The following PKN2 variants were observed in gnomAD, a reference collection of about 807,000 sequenced individuals.
PKN2 encodes the protein protein kinase N2.
A neutral mutation model predicts 119.1 loss-of-function variants in PKN2; 38 were observed. That is an observed-to-expected ratio of 0.32 (90% CI 0.25 to 0.42). PKN2 has a LOEUF of 0.42. PKN2 is among the 10% of genes least tolerant of loss of function. PKN2 has a pLI of 1.00. For synonymous variants in PKN2, 390 were observed against 384.9 expected (o/e 1.01, Z -0.15); for missense variants, 850 against 1,165.1 (o/e 0.73, Z 3.94).
At chr1:88,804,020 G>A (rs1171021556) in intron 8 of PKN2, among the ~76,000 whole-genome samples, 1 of 152,146 alleles carries the variant, frequency 6.6e-6, no homozygotes, top group Admixed American at 6.5e-5. Context: ...AAGCATTGGG[G>A]TAGTAACATA....
chr1:88,820,993 CCA>C (rs1672267118), intron 16 of PKN2, among the ~76,000 whole-genome samples: 1 of 152,130 alleles, frequency 6.6e-6, no homozygotes, highest in Non-Finnish European at 1.5e-5. Flanking sequence ...CTCTCTCGAC[CCA>C]GGTTTTTTGA....
intron 6 of PKN2, 59 bp downstream of exon 6, chr1:88,771,938 T>C: frequency 8.8e-7 from 1 of 1,137,066 alleles, no homozygotes; most frequent in Non-Finnish European, 1.3e-6. Context: ...TGGTTCTGAT[T>C]TAATAATTGA....
intron 15 of PKN2, among the ~76,000 whole-genome samples, chr1:88,811,005 A>G (rs938075077): frequency 6.6e-6 from 1 of 152,216 alleles, no homozygotes; most frequent in South Asian, 2.1e-4. Flanking sequence ...TTAATAAATC[A>G]TAGAAAATTT....
chr1:88,786,308 C>A, intron 8 of PKN2, 95 bp downstream of exon 8: 2 of 584,104 alleles, frequency 3.4e-6, no homozygotes, highest in Non-Finnish European at 5.9e-6. Flanking sequence ...GTATTCTTAA[C>A]AAGAATAAAA....
In PKN2 at chr1:88,750,694, G is replaced by A. The variant is rs116184110; in HGVS notation, c.349+9406G>A. Among the ~76,000 whole-genome samples, 792 of 152,078 alleles carry A rather than the reference G, an allele frequency of 5.2e-3. 9 individuals carry two copies. The highest frequency in any genetic ancestry group is 0.018 in the African/African-American group (754 of 41,468). On this transcript the variant is annotated intron_variant, in intron 2 of 21. Transcript: ENST00000370521. ...CTAAAATTGAACTCTTCTTTTCTTG[G>A]ACAGCTATCTCTAAATTTTTCTCTG...
At chr1:88,715,488 A>T (rs966000912) in intron 1 of PKN2, among the ~76,000 whole-genome samples, 11 of 152,088 alleles carry the variant, frequency 7.2e-5, no homozygotes, top group Non-Finnish European at 1.5e-5. Flanking sequence ...TTCCTGGTTT[A>T]GTCTTGGGAG....
intron 1 of PKN2, among the ~76,000 whole-genome samples, chr1:88,733,380 A>G (rs1668220740): frequency 6.6e-6 from 1 of 152,148 alleles, no homozygotes; most frequent in African/African-American, 2.4e-5. Context: ...TACCTATTCT[A>G]ACTAGAGTGA....
intron 2 of PKN2, among the ~76,000 whole-genome samples, chr1:88,751,284 TAC>T (rs1668982956): frequency 1.3e-5 from 2 of 152,038 alleles, no homozygotes; most frequent in African/African-American, 4.8e-5. Flanking sequence ...TGTTCATATA[TAC>T]ACACATACAC....
At chr1:88,786,516 A>G (rs1017601955) in intron 8 of PKN2, among the ~76,000 whole-genome samples, 8 of 152,218 alleles carry the variant, frequency 5.3e-5, no homozygotes, top group Non-Finnish European at 1.2e-4. Context: ...GCTAACAGCT[A>G]AGGCGATTCT....
intron 13 of PKN2, 31 bp downstream of exon 13, chr1:88,807,474 CAT>C: frequency 6.2e-7 from 1 of 1,605,008 alleles, no homozygotes; most frequent in Non-Finnish European, 8.5e-7. Flanking sequence ...TTTGCGACTA[CAT>C]GTTTGGTACC....
intron 8 of PKN2, among the ~76,000 whole-genome samples, chr1:88,792,107 TTAAAAA>T (rs1194945626): frequency 6.6e-6 from 1 of 152,228 alleles, no homozygotes; most frequent in African/African-American, 2.4e-5. Flanking sequence ...TCCACCGCTG[TTAAAAA>T]TAACATGTCG....
chr1:88,784,499 G>A (rs1334385104), intron 6 of PKN2, 140 bp from the exon 7 acceptor site: 1 of 428,890 alleles, frequency 2.3e-6, no homozygotes, highest in East Asian at 3.5e-5. Context: ...AAAGATGATA[G>A]CTACCTCATA....
Position 88,771,885 on chromosome 1 carries a change from T to C in PKN2, c.985+6T>C. The C allele has an allele frequency of 6.3e-7, 1 of 1,582,124 alleles. No homozygotes were observed. The highest frequency in any genetic ancestry group is 1.1e-5 in the South Asian group (1 of 90,342). On this transcript the variant is annotated splice_donor_region_variant and intron_variant, in intron 6 of 21. Transcript: ENST00000370521. ...CAAACCAGCAGCACTAACAGGTATG[T>C]AGTGTATAGCCATTGTTTTTTGTGT...
chr1:88,710,957 A>C (rs1667205090), intron 1 of PKN2, among the ~76,000 whole-genome samples: 1 of 152,240 alleles, frequency 6.6e-6, no homozygotes, highest in Non-Finnish European at 1.5e-5. Context: ...ATCATGGAAT[A>C]CTATGCAGCC....
In PKN2 at chr1:88,835,592, A is replaced by G. The variant is rs1318151481; in HGVS notation, c.*2144A>G. 6.6e-6 allele frequency: 1 copy of G among 152,396 alleles called. No homozygotes were observed. Among genetic ancestry groups the G allele is most frequent in the East Asian group, 1.9e-4 (1 of 5,194 alleles). The allele number at this position is 152,396 out of a possible 1,614,324, so 9.4% of individuals were successfully genotyped here. Reference sequence around the variant, plus strand: ...TATTTTAGTCAGATTTAAAATTTTAAGCTTTATAGAGTGTAAATATATTTT... The same window carrying G: ...TATTTTAGTCAGATTTAAAATTTTAGGCTTTATAGAGTGTAAATATATTTT... On this transcript the variant is annotated 3_prime_UTR_variant, in exon 22 of 22. Transcript: ENST00000370521.
intron 16 of PKN2, among the ~76,000 whole-genome samples, chr1:88,814,916 G>T (rs960261564): frequency 3.3e-5 from 5 of 152,106 alleles, no homozygotes; most frequent in Non-Finnish European, 7.4e-5. Context: ...TCCTCCATTT[G>T]ATTCTTGTCA....
intron 1 of PKN2, among the ~76,000 whole-genome samples, chr1:88,691,346 T>A (rs1160486247): frequency 6.6e-6 from 1 of 152,176 alleles, no homozygotes; most frequent in African/African-American, 2.4e-5. Context: ...ATTACAGATG[T>A]GAGCGTCTGT....
intron 8 of PKN2, among the ~76,000 whole-genome samples, chr1:88,787,238 T>C (rs1350533058): frequency 1.3e-5 from 2 of 152,114 alleles, no homozygotes; most frequent in Non-Finnish European, 2.9e-5. Context: ...AACTACCTGG[T>C]TGAATGTCAT....
intron 3 of PKN2, among the ~76,000 whole-genome samples, chr1:88,761,153 G>A (rs1669424648): frequency 6.6e-6 from 1 of 152,018 alleles, no homozygotes; most frequent in Non-Finnish European, 1.5e-5. Context: ...TGTCCTTGTT[G>A]TTAGGTATAA....
Sources: allele counts gnomAD v4.1 joint callset (sites outside exome capture counted in the v4.1 genomes callset), GRCh38; gene constraint gnomAD v4.1.1; transcripts MANE v1.5; gene names NCBI Gene and HGNC (gene_info 2026-07-23, HGNC 2026-07-21).